NPFFR2: variants seen among roughly 807,000 people sequenced by gnomAD.
The protein encoded by NPFFR2 is neuropeptide FF receptor 2, also known as G-protein coupled receptor 74.
Under a neutral mutation model 13.1 loss-of-function variants are expected in NPFFR2, and 15 were observed. The observed-to-expected ratio is 1.15, with a 90% CI of 0.77 to 1.76. The LOEUF is 1.76. NPFFR2 is among the 40% of genes most tolerant of loss of function. The pLI is 0.00. For synonymous variants in NPFFR2, 190 were observed against 175.7 expected (o/e 1.08, Z -0.65); for missense variants, 572 against 503.5 (o/e 1.14, Z -1.30).
At chr4:72,033,967 T>A (rs1418597454) in intron 1 of NPFFR2, among the ~76,000 whole-genome samples, 1 of 152,166 alleles carries the variant, frequency 6.6e-6, no homozygotes, top group Non-Finnish European at 1.5e-5. Context: ...TGCAAATGCC[T>A]CTGTGATAAA....
chr4:72,126,107 T>C (rs1578472189), intron 1 of NPFFR2, among the ~76,000 whole-genome samples: 2 of 152,372 alleles, frequency 1.3e-5, no homozygotes, highest in East Asian at 1.9e-4. Flanking sequence ...TAAACTGATG[T>C]TGAATTCTCA....
intron 1 of NPFFR2, among the ~76,000 whole-genome samples, chr4:72,122,147 A>C (rs1318130844): frequency 6.6e-6 from 1 of 152,150 alleles, no homozygotes; most frequent in African/African-American, 2.4e-5. Context: ...AAGATCAAAA[A>C]AGATAAGGAA....
chr4:72,061,491 C>G (rs1166509539), intron 1 of NPFFR2, among the ~76,000 whole-genome samples: 1 of 152,176 alleles, frequency 6.6e-6, no homozygotes, highest in Non-Finnish European at 1.5e-5. Context: ...CCTACTATTT[C>G]TATGACCTTG....
At chr4:72,040,310 C>T (rs1719170870) in intron 1 of NPFFR2, among the ~76,000 whole-genome samples, 1 of 151,982 alleles carries the variant, frequency 6.6e-6, no homozygotes, top group East Asian at 1.9e-4. Context: ...GTTTTTAATT[C>T]AAGTGGAGTT....
intron 1 of NPFFR2, among the ~76,000 whole-genome samples, chr4:72,042,261 T>C (rs1464911867): frequency 6.6e-6 from 1 of 152,214 alleles, no homozygotes; most frequent in African/African-American, 2.4e-5. Context: ...CTTTCTGCCA[T>C]AATTGTAAGT....
chr4:72,091,444 GA>G (rs1327917932), intron 1 of NPFFR2, among the ~76,000 whole-genome samples: 1 of 152,076 alleles, frequency 6.6e-6, no homozygotes, highest in African/African-American at 2.4e-5. Context: ...ATTCAGCTGT[GA>G]ATCCATCTGG....
chr4:72,127,155 T>A (rs966704806), intron 1 of NPFFR2, among the ~76,000 whole-genome samples: 46 of 149,952 alleles, frequency 3.1e-4, no homozygotes, highest in South Asian at 6.4e-4. Context: ...ACAAAAAAAA[T>A]TCGCTGGGCG....
chr4:72,074,730 T>A (rs1336890586), intron 1 of NPFFR2, among the ~76,000 whole-genome samples: 3 of 152,022 alleles, frequency 2.0e-5, no homozygotes, highest in Non-Finnish European at 4.4e-5. Flanking sequence ...AAGACAGAGA[T>A]TGGCAAAATA....
At position 72,122,576 on chromosome 4, in the gene NPFFR2, T is replaced by G. The variant is rs552887623; in HGVS notation, c.-7-6009T>G. The stretch of plus-strand genomic sequence containing the variant: ...TCTCTCAGACCACAGTGCAGTCAAA[T>G]TAGAACTCAGGATTAAGAAACTCAC... On this transcript the variant is annotated intron_variant, in intron 1 of 3. Transcript: ENST00000308744. Among the ~76,000 whole-genome samples the G allele has an allele frequency of 1.7e-4, 26 of 152,236 alleles. No individual in the cohort carries two copies. The East Asian group carries it at 4.8e-3, about 28-fold the overall frequency.
intron 2 of NPFFR2, among the ~76,000 whole-genome samples, chr4:72,136,760 C>T (rs920921326): frequency 7.2e-5 from 11 of 152,172 alleles, no homozygotes; most frequent in African/African-American, 2.7e-4. Flanking sequence ...GTTTAGAGTA[C>T]TTATGGTTCT....
At chr4:72,073,246 A>G (rs1720316647) in intron 1 of NPFFR2, among the ~76,000 whole-genome samples, 1 of 152,038 alleles carries the variant, frequency 6.6e-6, no homozygotes, top group Admixed American at 6.6e-5. Flanking sequence ...TAGGGAATGG[A>G]TACCCCATTT....
At chr4:72,139,600 C>G (rs1325463457) in intron 3 of NPFFR2, among the ~76,000 whole-genome samples, 3 of 152,138 alleles carry the variant, frequency 2.0e-5, no homozygotes, top group Non-Finnish European at 4.4e-5. Context: ...GGCCTCTGTT[C>G]TGTTCCATTG....
At chr4:72,084,789 T>G (rs1315487120) in intron 1 of NPFFR2, among the ~76,000 whole-genome samples, 1 of 152,128 alleles carries the variant, frequency 6.6e-6, no homozygotes, top group South Asian at 2.1e-4. Context: ...AGTAGATAAA[T>G]GCCCTGGCCA....
rs28412676 is a variant in NPFFR2 at position 72,047,747 on chromosome 4, G to T, written c.-8+15547G>T. On this transcript the variant is annotated intron_variant, in intron 1 of 3. Transcript: ENST00000308744. ...GAATAAAAATTATAGAAATATATGCGTATATGTTAATAATAGTTGGGTCTT... is the reference window on the plus strand; with the variant it reads ...GAATAAAAATTATAGAAATATATGCTTATATGTTAATAATAGTTGGGTCTT... Among the ~76,000 whole-genome samples the T allele has an allele frequency of 3.2e-3, 480 of 152,212 alleles. 4 individuals carry two copies. Among genetic ancestry groups the T allele is most frequent in the African/African-American group, 0.011 (443 of 41,524 alleles).
At chr4:72,032,933 G>T (rs1385999546) in intron 1 of NPFFR2, among the ~76,000 whole-genome samples, 1 of 152,106 alleles carries the variant, frequency 6.6e-6, no homozygotes, top group African/African-American at 2.4e-5. Context: ...CTATAGTGTA[G>T]ATATTTGAAA....
chr4:72,086,166 G>A (rs181785336), intron 1 of NPFFR2, among the ~76,000 whole-genome samples: 9 of 152,166 alleles, frequency 5.9e-5, no homozygotes, highest in African/African-American at 1.9e-4. Flanking sequence ...ATTCTCATTT[G>A]TTGATTAATG....
chr4:72,079,491 G>T (rs1720545478), intron 1 of NPFFR2, among the ~76,000 whole-genome samples: 1 of 152,014 alleles, frequency 6.6e-6, no homozygotes, highest in Middle Eastern at 3.2e-3. Flanking sequence ...ATAAGAACAT[G>T]ATACCAAAAT....
chr4:72,063,691 T>C (rs1473615074), intron 1 of NPFFR2, among the ~76,000 whole-genome samples: 1 of 152,200 alleles, frequency 6.6e-6, no homozygotes, highest in East Asian at 1.9e-4. Flanking sequence ...TTTAATTCAG[T>C]ACCTGGTGAA....
intron 1 of NPFFR2, among the ~76,000 whole-genome samples, chr4:72,041,340 A>G (rs1392299810): frequency 2.6e-5 from 4 of 152,238 alleles, no homozygotes; most frequent in African/African-American, 9.6e-5. Context: ...GTTCTTTTTT[A>G]TAACTGCATA....
Sources: gnomAD v4.1 joint callset for allele counts (sites outside exome capture counted in the v4.1 genomes callset) on GRCh38, gnomAD v4.1.1 for gene constraint, MANE v1.5 for transcripts, NCBI Gene and HGNC (gene_info 2026-07-23, HGNC 2026-07-21) for gene names.